KHDRBS2: variants seen among roughly 807,000 people sequenced by gnomAD.
The protein encoded by KHDRBS2 is KH domain-containing, RNA-binding, signal transduction-associated protein 2.
In KHDRBS2, 26 loss-of-function variants were observed where a neutral mutation model predicts 44.3. The ratio of observed to expected loss-of-function variants is 0.59; its 90% CI spans 0.43 to 0.81. The LOEUF is 0.81. Ranked by LOEUF, KHDRBS2 falls within the 40% of genes least tolerant of loss-of-function variation. KHDRBS2 has a pLI of 0.00. For missense variants in KHDRBS2, 476 were observed against 433.1 expected, an observed-to-expected ratio of 1.10 and a Z score of -0.88; for synonymous variants, 194 against 151.1, an observed-to-expected ratio of 1.28 and a Z score of -2.08.
chr6:61,694,746 A>G (rs1767727200), intron 8 of KHDRBS2, among the ~76,000 whole-genome samples: 1 of 152,014 alleles, frequency 6.6e-6, no homozygotes, highest in African/African-American at 2.4e-5. Context: ...AATGCCTTTG[A>G]CCCCTTCCTT....
chr6:61,928,155 T>G (rs2127364415), intron 4 of KHDRBS2, among the ~76,000 whole-genome samples: 1 of 152,252 alleles, frequency 6.6e-6, no homozygotes, highest in South Asian at 2.1e-4. Context: ...AAATGAAGTT[T>G]CCTACAGAAA....
intron 3 of KHDRBS2, among the ~76,000 whole-genome samples, chr6:62,010,781 C>T (rs1190591504): frequency 2.6e-5 from 4 of 151,984 alleles, no homozygotes; most frequent in East Asian, 3.9e-4. Flanking sequence ...TTAAAAAAAC[C>T]TCATCTGTTA....
chr6:61,874,269 GAATT>G (rs1159249911), intron 6 of KHDRBS2, among the ~76,000 whole-genome samples: 1 of 152,028 alleles, frequency 6.6e-6, no homozygotes, highest in African/African-American at 2.4e-5. Context: ...TAAATGCTGA[GAATT>G]AATTTTTTAA....
intron 7 of KHDRBS2, among the ~76,000 whole-genome samples, chr6:61,727,295 T>C (rs1242791996): frequency 6.6e-6 from 1 of 152,036 alleles, no homozygotes; most frequent in Non-Finnish European, 1.5e-5. Flanking sequence ...ATAAATTAAA[T>C]ACTTAAATGT....
At chr6:61,630,205 A>C in the KHDRBS2 span, 1 of 152,328 alleles carries the variant, frequency 6.6e-6, no homozygotes, top group South Asian at 2.1e-4. Flanking sequence ...GAGAAATGAG[A>C]CTAGTAGAAA....
chr6:61,994,927 C>G (rs1776877723), intron 3 of KHDRBS2, among the ~76,000 whole-genome samples: 1 of 151,932 alleles, frequency 6.6e-6, no homozygotes, highest in Middle Eastern at 3.4e-3. Context: ...GGAAAATATT[C>G]TAAGGGAGGC....
chr6:62,261,923 G>A (rs1472926191), intron 1 of KHDRBS2, among the ~76,000 whole-genome samples: 5 of 151,678 alleles, frequency 3.3e-5, no homozygotes, highest in African/African-American at 7.3e-5. Flanking sequence ...ATACATGAGC[G>A]TATACCTGGT....
Position 62,173,998 on chromosome 6 carries a change from AC to A in KHDRBS2, c.219+3186del, listed in dbSNP as rs1487829441. On this transcript the variant is annotated intron_variant, in intron 2 of 8. Transcript: ENST00000281156. ...GGAAGCACTCACCTTCAAAACCAGA[AC>A]AGACAGTGACACCCTCTCTCACTAC... 4.0e-3 allele frequency among the ~76,000 whole-genome samples: 609 copies of A among 152,022 alleles called. 6 individuals carry two copies. Among genetic ancestry groups the A allele is most frequent in the African/African-American group, 0.012 (512 of 41,514 alleles).
At chr6:61,582,068 T>C in the KHDRBS2 span, among the ~76,000 whole-genome samples, 3 of 151,802 alleles carry the variant, frequency 2.0e-5, no homozygotes, top group Admixed American at 6.6e-5. Context: ...ATTTAAGTAA[T>C]AAAAAGCAAG....
At chr6:62,064,332 A>G (rs1792935052) in intron 2 of KHDRBS2, among the ~76,000 whole-genome samples, 1 of 149,274 alleles carries the variant, frequency 6.7e-6, no homozygotes, top group African/African-American at 2.5e-5. Context: ...AGTCAATCCT[A>G]AGCCAAAAGA....
intron 3 of KHDRBS2, among the ~76,000 whole-genome samples, chr6:61,982,207 C>A (rs1258553828): frequency 1.0e-5 from 1 of 98,808 alleles, no homozygotes; most frequent in African/African-American, 3.7e-5. Flanking sequence ...GAAATAAAGT[C>A]ACTGCAAATA....
At chr6:61,948,242 T>C (rs1764001283) in intron 4 of KHDRBS2, among the ~76,000 whole-genome samples, 1 of 152,120 alleles carries the variant, frequency 6.6e-6, no homozygotes, top group South Asian at 2.1e-4. Context: ...ATCATGAATG[T>C]AGCTAAGTAA....
At chr6:61,939,640 CTCCTT>C (rs1367692321) in intron 4 of KHDRBS2, among the ~76,000 whole-genome samples, 3 of 152,122 alleles carry the variant, frequency 2.0e-5, no homozygotes, top group African/African-American at 4.8e-5. Context: ...GTAAATTATC[CTCCTT>C]ACACATTATT....
chr6:62,097,651 G>A (rs1162176297), intron 2 of KHDRBS2, among the ~76,000 whole-genome samples: 2 of 151,836 alleles, frequency 1.3e-5, no homozygotes, highest in Non-Finnish European at 2.9e-5. Flanking sequence ...TATATATTTG[G>A]ATCTTGTTTT....
At chr6:61,652,369 C>G in the KHDRBS2 span, 7 of 151,900 alleles carry the variant, frequency 4.6e-5, no homozygotes, top group Admixed American at 6.6e-5. Context: ...GATGTACGCT[C>G]ATAGGTATGA....
chr6:61,934,350 G>A (rs1810644953), intron 4 of KHDRBS2, among the ~76,000 whole-genome samples: 1 of 151,900 alleles, frequency 6.6e-6, no homozygotes, highest in Non-Finnish European at 1.5e-5. Flanking sequence ...GTGCTTTTGA[G>A]GTCTTATCCA....
At chr6:61,643,304 A>T in the KHDRBS2 span, among the ~76,000 whole-genome samples, 1 of 152,182 alleles carries the variant, frequency 6.6e-6, no homozygotes, top group Non-Finnish European at 1.5e-5. Flanking sequence ...GTATTGAATG[A>T]ATATGCCTCA....
At chr6:62,018,824 T>TA (rs904571455) in intron 3 of KHDRBS2, among the ~76,000 whole-genome samples, 2 of 152,320 alleles carry the variant, frequency 1.3e-5, no homozygotes, top group Admixed American at 1.3e-4. Context: ...GTACAGATTT[T>TA]AAAAAGATTG....
chr6:62,045,252 G>C (rs1787422245), intron 3 of KHDRBS2, among the ~76,000 whole-genome samples: 1 of 151,978 alleles, frequency 6.6e-6, no homozygotes, highest in Non-Finnish European at 1.5e-5. Flanking sequence ...AGGGGAATAA[G>C]TATATTTATT....
Sources: allele counts gnomAD v4.1 joint callset (sites outside exome capture counted in the v4.1 genomes callset), GRCh38; gene constraint gnomAD v4.1.1; transcripts MANE v1.5; gene names NCBI Gene and HGNC (gene_info 2026-07-23, HGNC 2026-07-21).